PRDM6: variants seen among roughly 807,000 people sequenced by gnomAD.
PRDM6 encodes the protein putative histone-lysine N-methyltransferase PRDM6.
Under a neutral mutation model 60.8 loss-of-function variants are expected in PRDM6, and 25 were observed. The observed-to-expected ratio is 0.41, with a 90% CI of 0.30 to 0.57. PRDM6 has a LOEUF of 0.57. PRDM6 is among the 20% of genes least tolerant of loss of function. PRDM6 has a pLI of 0.27. For missense variants in PRDM6, 839 were observed against 821.3 expected (o/e 1.02, Z -0.26); for synonymous variants, 407 against 357.4 (o/e 1.14, Z -1.57).
intron 6 of PRDM6, among the ~76,000 whole-genome samples, chr5:123,177,943 T>G (rs1349295984): frequency 2.0e-5 from 3 of 152,098 alleles, no homozygotes; most frequent in Admixed American, 2.0e-4. Context: ...TTCTGCGAAG[T>G]TTTAAAAACT....
At chr5:123,167,733 A>G (rs1405987300) in intron 5 of PRDM6, among the ~76,000 whole-genome samples, 1 of 152,050 alleles carries the variant, frequency 6.6e-6, no homozygotes, top group Non-Finnish European at 1.5e-5. Context: ...CTCAGAATCT[A>G]TCATCTACAC....
chr5:123,135,763 A>G (rs1247777024), intron 3 of PRDM6, among the ~76,000 whole-genome samples: 1 of 152,186 alleles, frequency 6.6e-6, no homozygotes, highest in East Asian at 1.9e-4. Flanking sequence ...TGAATTTTGG[A>G]TGAATTTCTA....
In PRDM6 at chr5:123,090,177, C is replaced by G. The variant is rs2150202987; in HGVS notation, c.163C>G (p.Pro55Ala). Reference sequence around the variant, plus strand: ...GCCGCAGCCTCTTCAGCCGCCGCCGCCGCCCCCGCCCCCGGAGCGCGCTGA... The same window carrying G: ...GCCGCAGCCTCTTCAGCCGCCGCCGGCGCCCCCGCCCCCGGAGCGCGCTGA... ...SAPQPLQPPP[P>A]PPPPERAEPP... is the part of the protein sequence containing the mutation. Residue 55 changes from proline (P) to alanine (A), a missense_variant, in exon 2 of 8, where the codon CCG becomes GCG. Transcript: ENST00000407847. 1 of 1,485,426 alleles carries G rather than the reference C, an allele frequency of 6.7e-7. No homozygotes were observed. Among genetic ancestry groups the G allele is most frequent in the East Asian group, 2.9e-5 (1 of 34,028 alleles). 92.0% of individuals were successfully genotyped at this position (1,485,426 alleles called of 1,614,324 possible).
intron 3 of PRDM6, among the ~76,000 whole-genome samples, chr5:123,123,076 T>TATTTTAAAGCTTTTAATTTTGCCTA (rs1764614531): frequency 6.6e-6 from 1 of 152,226 alleles, no homozygotes; most frequent in Admixed American, 6.5e-5. Context: ...AATACTTATA[T>TATTTTAAAGCTTTTAATTTTGCCTA]ATTTTAAAAG....
intron 3 of PRDM6, among the ~76,000 whole-genome samples, chr5:123,147,934 T>C (rs1163035771): frequency 6.6e-6 from 1 of 152,124 alleles, no homozygotes; most frequent in Non-Finnish European, 1.5e-5. Context: ...AGTGCCTGAG[T>C]CCCCATGTCA....
At chr5:123,109,491 T>C (rs1325521303) in intron 3 of PRDM6, among the ~76,000 whole-genome samples, 1 of 152,216 alleles carries the variant, frequency 6.6e-6, no homozygotes, top group Non-Finnish European at 1.5e-5. Flanking sequence ...AAAGATTGTA[T>C]GTATTAATGG....
chr5:123,104,168 C>T (rs1764160648), intron 3 of PRDM6, among the ~76,000 whole-genome samples: 1 of 152,026 alleles, frequency 6.6e-6, no homozygotes, highest in African/African-American at 2.4e-5. Flanking sequence ...TTCATCATTA[C>T]TGCTTAGCTT....
intron 3 of PRDM6, among the ~76,000 whole-genome samples, chr5:123,115,024 C>G (rs1764401835): frequency 6.6e-6 from 1 of 152,122 alleles, no homozygotes; most frequent in Non-Finnish European, 1.5e-5. Flanking sequence ...ATCCAGAAGA[C>G]TGCTTGAGGT....
intron 3 of PRDM6, among the ~76,000 whole-genome samples, chr5:123,146,405 G>A (rs1321602509): frequency 6.6e-6 from 1 of 152,122 alleles, no homozygotes; most frequent in Non-Finnish European, 1.5e-5. Flanking sequence ...GAACTATTTG[G>A]TGTACGATTG....
chr5:123,188,073 G>T lies in PRDM6; in HGVS notation c.*872G>T, dbSNP rs1221239286. ...TGGAGATAAGGTGTTAGGCTTCATT[G>T]TAATTTTTTTAGTTGTTTCTGTGAA... On this transcript the variant is annotated 3_prime_UTR_variant, in exon 8 of 8. Transcript: ENST00000407847. 1.3e-5 allele frequency: 2 copies of T among 152,052 alleles called. No homozygotes were observed. Among genetic ancestry groups the T allele is most frequent in the Non-Finnish European group, 1.5e-5 (1 of 67,964 alleles). 9.4% of individuals were successfully genotyped at this position (152,052 alleles called of 1,614,324 possible). A position where few individuals can be genotyped will look rare whatever the true frequency, so the allele number is the denominator to read the frequency against.
At chr5:123,118,865 C>G (rs1764516076) in intron 3 of PRDM6, among the ~76,000 whole-genome samples, 1 of 152,086 alleles carries the variant, frequency 6.6e-6, no homozygotes, top group African/African-American at 2.4e-5. Context: ...CGCACAGGCA[C>G]AGGTATATGA....
chr5:123,140,064 T>G (rs2126859647), intron 3 of PRDM6, among the ~76,000 whole-genome samples: 1 of 152,276 alleles, frequency 6.6e-6, no homozygotes, highest in Non-Finnish European at 1.5e-5. Flanking sequence ...ATCAAACCAT[T>G]CAAAAATTTT....
At chr5:123,137,113 A>T (rs1284504571) in intron 3 of PRDM6, among the ~76,000 whole-genome samples, 1 of 152,214 alleles carries the variant, frequency 6.6e-6, no homozygotes, top group African/African-American at 2.4e-5. Flanking sequence ...CCCTGACATG[A>T]GGTAAGCAGC....
chr5:123,094,049 G>A (rs1330497795), intron 2 of PRDM6, among the ~76,000 whole-genome samples: 2 of 152,036 alleles, frequency 1.3e-5, no homozygotes, highest in Non-Finnish European at 2.9e-5. Context: ...TGTGTGCATG[G>A]GTGTGGGAGC....
intron 3 of PRDM6, among the ~76,000 whole-genome samples, chr5:123,128,619 T>C (rs1215648662): frequency 6.6e-6 from 1 of 152,250 alleles, no homozygotes; most frequent in African/African-American, 2.4e-5. Context: ...TGGGATTGTT[T>C]GTTTTTTTCT....
At chr5:123,116,641 A>AT (rs1394335561) in intron 3 of PRDM6, among the ~76,000 whole-genome samples, 3 of 151,926 alleles carry the variant, frequency 2.0e-5, no homozygotes, top group Admixed American at 6.6e-5. Flanking sequence ...GAAAAAAAAA[A>AT]TTATTTTTCT....
rs1763749242 is a variant in PRDM6, at chr5:123,089,430, G to T, written c.-105G>T. On this transcript the variant is annotated 5_prime_UTR_variant, in exon 1 of 8. Coordinates refer to ENST00000407847, the MANE Select transcript of PRDM6 (RefSeq NM_001136239.4). ...GACTCTCCTCCCGCGCTGCTCAGGG[G>T]CATGTAGCGCACGCAGGGCGCACAC... 1 of 154,806 alleles carries T rather than the reference G, an allele frequency of 6.5e-6. No individual in the cohort carries two copies. The highest frequency in any genetic ancestry group is 2.4e-5 in the African/African-American group (1 of 41,436). 9.6% of individuals were successfully genotyped at this position (154,806 alleles called of 1,614,324 possible).
rs1766413047 is a variant in PRDM6 at position 123,190,603 on chromosome 5, A to G, written c.*3402A>G. The G allele has an allele frequency of 3.9e-5, 6 of 152,190 alleles. No homozygotes were observed. The highest frequency in any genetic ancestry group is 2.0e-4 in the Admixed American group (3 of 15,272). The allele number at this position is 152,190 out of a possible 1,614,324, so 9.4% of individuals were successfully genotyped here. A position where few individuals can be genotyped will look rare whatever the true frequency, so the allele number is the denominator to read the frequency against. Reference sequence around the variant, plus strand: ...CTATGTATAACAGGAAAAGATCATGACATCATTGTGTCCTCATAGGGCTCA... The same window carrying G: ...CTATGTATAACAGGAAAAGATCATGGCATCATTGTGTCCTCATAGGGCTCA... On this transcript the variant is annotated 3_prime_UTR_variant, in exon 8 of 8. Transcript: ENST00000407847.
At position 123,119,673 on chromosome 5, in the gene PRDM6, C is replaced by T. The variant is rs553190535; in HGVS notation, c.900+19712C>T. The stretch of plus-strand genomic sequence containing the variant: ...CACAAGACATGCTTCAGACCCTAAG[C>T]TGATACATCTAAACTTCCTTCTCTG... On this transcript the variant is annotated intron_variant, in intron 3 of 7. Coordinates refer to ENST00000407847, the MANE Select transcript of PRDM6 (RefSeq NM_001136239.4). 1.1e-4 allele frequency among the ~76,000 whole-genome samples: 16 copies of T among 152,314 alleles called. No homozygotes were observed. The South Asian group carries it at 3.3e-3, about 32-fold the overall frequency.
Sources: gnomAD v4.1 joint callset for allele counts (sites outside exome capture counted in the v4.1 genomes callset) on GRCh38, gnomAD v4.1.1 for gene constraint, MANE v1.5 for transcripts, NCBI Gene and HGNC (gene_info 2026-07-23, HGNC 2026-07-21) for gene names.